The following IQANK1 variants were observed in gnomAD, a reference collection of about 807,000 sequenced individuals.
IQANK1 encodes the protein IQ motif and ankyrin repeat domain-containing protein 1.
A neutral mutation model predicts 22.6 loss-of-function variants in IQANK1; 30 were observed. The observed-to-expected ratio is 1.33, with a 90% confidence interval of 0.99 to 1.80. The LOEUF (loss-of-function observed/expected upper bound fraction) is 1.80. Ranked by LOEUF, IQANK1 falls within the 40% of genes most tolerant of loss-of-function variation. IQANK1 has a pLI of 0.00. For synonymous variants in IQANK1, 122 were observed against 99.6 expected (o/e 1.23, Z -1.34); for missense variants, 275 against 235.2 (o/e 1.17, Z -1.11).
Position 143,789,879 on chromosome 8 carries a change from G to T in IQANK1, c.1195+10G>T. 8.1e-7 allele frequency: 1 copy of T among 1,232,020 alleles called. No individual in the cohort carries two copies. Among genetic ancestry groups the T allele is most frequent in the East Asian group, 3.2e-5 (1 of 31,714 alleles). The allele number at this position is 1,232,020 out of a possible 1,614,324, so 76.3% of individuals were successfully genotyped here. The stretch of plus-strand genomic sequence containing the variant: ...GAGCAGACGCAGGAGGGTGGGCCTG[G>T]CATGGGGCGCCGGCTGGGGGCTGGG... On this transcript the variant is annotated intron_variant, in intron 11 of 13. Coordinates refer to ENST00000527139, the MANE Select transcript of IQANK1 (RefSeq NM_001381874.1).
chr8:143,772,509 G>C, intron 7 of IQANK1, 27 bp downstream of exon 7: 1 of 398,512 alleles, frequency 2.5e-6, no homozygotes, highest in Non-Finnish European at 4.4e-6. Context: ...TGTGGGCCCC[G>C]GGAGGTGTGA....
In IQANK1 at chr8:143,780,426, C is replaced by G. The variant is rs540837914; in HGVS notation, c.789+7944C>G. Among the ~76,000 whole-genome samples the G allele has an allele frequency of 2.7e-4, 41 of 152,166 alleles. No individual in the cohort carries two copies. The East Asian group carries it at 7.2e-3, about 27-fold the overall frequency. On this transcript the variant is annotated intron_variant, in intron 7 of 13. Coordinates refer to ENST00000527139, the MANE Select transcript of IQANK1 (RefSeq NM_001381874.1). ...TTTGTCGTACAGATTATTTCCTCAC[C>G]AGGAACTAAGCCCAGTACCCAATAG...
intron 7 of IQANK1, among the ~76,000 whole-genome samples, chr8:143,787,850 T>G (rs1554631566): frequency 1.3e-5 from 2 of 151,900 alleles, no homozygotes; most frequent in Non-Finnish European, 2.9e-5. Context: ...CGCAGTGCCT[T>G]CTGCTTGCTC....
intron 3 of IQANK1, among the ~76,000 whole-genome samples, chr8:143,751,502 C>T (rs1234000784): frequency 6.6e-6 from 1 of 150,648 alleles, no homozygotes; most frequent in Non-Finnish European, 1.5e-5. Flanking sequence ...ATCCCATCTA[C>T]TTGGGAGGCT....
At chr8:143,773,322 A>AAC (rs1563777440) in intron 7 of IQANK1, among the ~76,000 whole-genome samples, 45 of 141,970 alleles carry the variant, frequency 3.2e-4, no homozygotes, top group Admixed American at 5.4e-4. Context: ...AAAAACAAAA[A>AAC]AAACACAAAA....
At chr8:143,785,595 T>G (rs1819870510) in intron 7 of IQANK1, among the ~76,000 whole-genome samples, 4 of 152,108 alleles carry the variant, frequency 2.6e-5, no homozygotes, top group Non-Finnish European at 5.9e-5. Context: ...GGTCTTGCTC[T>G]GTCACCCAGG....
At chr8:143,766,749 T>C (rs1819488375) in intron 3 of IQANK1, among the ~76,000 whole-genome samples, 1 of 152,200 alleles carries the variant, frequency 6.6e-6, no homozygotes, top group African/African-American at 2.4e-5. Context: ...GTCTCTGAAA[T>C]AAATCTTTCC....
At chr8:143,736,609 G>A (rs928921598) in intron 2 of IQANK1, among the ~76,000 whole-genome samples, 1 of 152,096 alleles carries the variant, frequency 6.6e-6, no homozygotes, top group African/African-American at 2.4e-5. Context: ...TCCAAGTTGG[G>A]GATTCTCAGT....
intron 3 of IQANK1, among the ~76,000 whole-genome samples, chr8:143,751,675 T>TATATATATATATAA (rs1379910945): frequency 7.1e-6 from 1 of 140,740 alleles, no homozygotes; most frequent in African/African-American, 2.6e-5. Flanking sequence ...TATATATATA[T>TATATATATATATAA]ATAAAATCCT....
intron 7 of IQANK1, among the ~76,000 whole-genome samples, chr8:143,773,300 C>CAAAAAAAAAAA (rs1185632785): frequency 3.8e-5 from 3 of 79,678 alleles, no homozygotes; most frequent in Non-Finnish European, 8.2e-5. Flanking sequence ...GAGTGAGACT[C>CAAAAAAAAAAA]AAAAAAAAAA....
intron 3 of IQANK1, among the ~76,000 whole-genome samples, chr8:143,754,914 C>T (rs1819261215): frequency 1.3e-5 from 2 of 152,192 alleles, no homozygotes; most frequent in South Asian, 4.1e-4. Flanking sequence ...GCGTGAGCCA[C>T]CGCGCCCAGC....
rs1418290904 is a variant in IQANK1 at position 143,774,901 on chromosome 8, T to TCA, written c.789+2427_789+2428dup. ...GAGCTTCACAGAGTGGGGGAGAAGG[T>TCA]CACACACACTCACATGACAACACTG... On this transcript the variant is annotated intron_variant, in intron 7 of 13. Coordinates refer to ENST00000527139, the MANE Select transcript of IQANK1 (RefSeq NM_001381874.1). The surrounding 1 kb of genome is among the most constrained non-coding windows in gnomAD (Gnocchi z 4.2). Among the ~76,000 whole-genome samples, 2 of 151,956 alleles carry TCA rather than the reference T, an allele frequency of 1.3e-5. No homozygotes were observed. Among genetic ancestry groups the TCA allele is most frequent in the Non-Finnish European group, 2.9e-5 (2 of 68,004 alleles).
In IQANK1 at chr8:143,739,941, C is replaced by G. The variant is rs1463488214; in HGVS notation, c.168C>G (p.Ala56=). The change falls in exon 3 of 14, where the codon GCC becomes GCG. Residue 56 remains alanine, a synonymous_variant. Coordinates refer to ENST00000527139, the MANE Select transcript of IQANK1 (RefSeq NM_001381874.1). ...REPASAESPQ[A]PTGPAEDRAA... The stretch of plus-strand genomic sequence containing the variant: ...CCGCGTCGGCTGAGAGCCCACAGGC[C>G]CCCACAGGTGAGAGCCCGCACGTCC... 5.7e-6 allele frequency: 4 copies of G among 698,114 alleles called. No homozygotes were observed. The highest frequency in any genetic ancestry group is 3.0e-5 in the South Asian group (2 of 66,964). The allele number at this position is 698,114 out of a possible 1,614,324, so 43.2% of individuals were successfully genotyped here.
chr8:143,734,872 C>T (rs1490820437), intron 1 of IQANK1, among the ~76,000 whole-genome samples: 1 of 151,462 alleles, frequency 6.6e-6, no homozygotes, highest in Non-Finnish European at 1.5e-5. Flanking sequence ...CCGAGCTGCC[C>T]CTGGGTGCTC....
At chr8:143,750,743 G>GT (rs1554627922) in intron 3 of IQANK1, among the ~76,000 whole-genome samples, 1 of 152,164 alleles carries the variant, frequency 6.6e-6, no homozygotes, top group Non-Finnish European at 1.5e-5. Context: ...GAACCCAGGA[G>GT]TTTGAGGTTA....
chr8:143,759,212 A>T (rs555881224), intron 3 of IQANK1: 72 of 218,230 alleles, frequency 3.3e-4, no homozygotes, highest in African/African-American at 1.4e-3. Context: ...ACTGCTTCAC[A>T]CTAGGGCTGT....
In IQANK1 at chr8:143,735,975, C is replaced by T. The variant is rs911389183; in HGVS notation, c.85+37C>T. ...CTCTGACCTCCAGAGCACTGTCACCCAGACACTGACCTGTGAGACCTTCTA... is the reference window on the plus strand; with the variant it reads ...CTCTGACCTCCAGAGCACTGTCACCTAGACACTGACCTGTGAGACCTTCTA... On this transcript the variant is annotated intron_variant, in intron 2 of 13. Coordinates refer to ENST00000527139, the MANE Select transcript of IQANK1 (RefSeq NM_001381874.1). This position sits in a 1 kb window ranked among gnomAD's most constrained non-coding sequence, Gnocchi z 5.2. The T allele has an allele frequency of 1.7e-5, 12 of 702,356 alleles. No individual in the cohort carries two copies. Among genetic ancestry groups the T allele is most frequent in the East Asian group, 8.0e-5 (3 of 37,270 alleles). The allele number at this position is 702,356 out of a possible 1,614,324, so 43.5% of individuals were successfully genotyped here.
chr8:143,768,767 C>T (rs960447112), intron 3 of IQANK1, among the ~76,000 whole-genome samples: 4 of 152,110 alleles, frequency 2.6e-5, no homozygotes, highest in African/African-American at 9.7e-5. Flanking sequence ...TACAGAAATA[C>T]ACTTTGTGAG....
intron 3 of IQANK1, among the ~76,000 whole-genome samples, chr8:143,748,151 C>T (rs1361923744): frequency 1.3e-5 from 2 of 151,598 alleles, no homozygotes; most frequent in Non-Finnish European, 2.9e-5. Context: ...TACACCACTG[C>T]GCCTGGCTAA....
Sources: gnomAD v4.1 joint callset for allele counts (sites outside exome capture counted in the v4.1 genomes callset) on GRCh38, gnomAD v4.1.1 for gene constraint, Gnocchi (gnomAD v3.1) non-coding constraint, MANE v1.5 for transcripts, NCBI Gene and HGNC (gene_info 2026-07-23, HGNC 2026-07-21) for gene names.